LTBP1: variants seen among roughly 807,000 people sequenced by gnomAD.
The protein encoded by LTBP1 is latent-transforming growth factor beta-binding protein 1.
In LTBP1, 129 loss-of-function variants were observed where a neutral mutation model predicts 207.6. That is an observed-to-expected ratio of 0.62 (90% CI 0.54 to 0.72). LTBP1 has a LOEUF of 0.72. Among genes scored for constraint, LTBP1 ranks in the 30% least tolerant of loss-of-function variants. LTBP1 has a pLI of 0.00. For synonymous variants in LTBP1, 963 were observed against 833.7 expected (o/e 1.16, Z -2.67); for missense variants, 2,281 against 2,217.2 (o/e 1.03, Z -0.58).
At chr2:32,951,328 G>A (rs569956786) in intron 2 of LTBP1, among the ~76,000 whole-genome samples, 1 of 152,300 alleles carries the variant, frequency 6.6e-6, no homozygotes, top group Non-Finnish European at 1.5e-5. Context: ...GCTCTCTTCA[G>A]AAATAATTAT....
chr2:33,331,196 C>T (rs1049276697), intron 24 of LTBP1, among the ~76,000 whole-genome samples: 2 of 151,052 alleles, frequency 1.3e-5, no homozygotes, highest in African/African-American at 4.8e-5. Context: ...GATTTGTTTC[C>T]TTTGTTTTCT....
intron 3 of LTBP1, among the ~76,000 whole-genome samples, chr2:33,053,119 C>T (rs957091282): frequency 1.3e-5 from 2 of 152,196 alleles, no homozygotes; most frequent in African/African-American, 4.8e-5. Context: ...GATCTGCCTG[C>T]CTCAGCCTCC....
At chr2:33,218,019 G>C (rs1167280951) in intron 8 of LTBP1, among the ~76,000 whole-genome samples, 1 of 152,106 alleles carries the variant, frequency 6.6e-6, no homozygotes, top group Non-Finnish European at 1.5e-5. Flanking sequence ...TATTTCCTAG[G>C]TTTAAATTCC....
intron 3 of LTBP1, among the ~76,000 whole-genome samples, chr2:33,057,550 C>CTGCAGG: frequency 6.6e-6 from 1 of 152,352 alleles, no homozygotes; most frequent in Non-Finnish European, 1.5e-5. Context: ...GCATGGTGGG[C>CTGCAGG]TGCAGGTACC....
intron 2 of LTBP1, among the ~76,000 whole-genome samples, chr2:32,998,150 C>G (rs1289811170): frequency 6.6e-6 from 1 of 152,140 alleles, no homozygotes; most frequent in Non-Finnish European, 1.5e-5. Flanking sequence ...ACCTAATAAT[C>G]AAATGGATCA....
At chr2:33,009,809 T>C (rs989779479) in intron 2 of LTBP1, among the ~76,000 whole-genome samples, 1 of 152,156 alleles carries the variant, frequency 6.6e-6, no homozygotes, top group Admixed American at 6.5e-5. Flanking sequence ...TCTTAGAGTT[T>C]GGGGTGGATG....
At chr2:32,950,925 A>G (rs1047656850) in intron 2 of LTBP1, among the ~76,000 whole-genome samples, 1 of 152,186 alleles carries the variant, frequency 6.6e-6, no homozygotes, top group African/African-American at 2.4e-5. Context: ...AGATGTTCCA[A>G]ATCTTGGGGA....
In LTBP1 at chr2:33,240,738, C is replaced by A. The variant is rs189799802; in HGVS notation, c.1877-2924C>A. On this transcript the variant is annotated intron_variant, in intron 9 of 33. Transcript: ENST00000404816. ...CGATCTCGGCTCACTCCAAGCTCCA[C>A]CTCTCAGGTTCACGCCATTCTCCTG... is the stretch of plus-strand genomic sequence containing the variant. 4.6e-4 allele frequency among the ~76,000 whole-genome samples: 70 copies of A among 150,882 alleles called. No homozygotes were observed. The East Asian group carries it at 0.013, about 28-fold the overall frequency.
At chr2:33,295,170 TTAA>T (rs1250712225) in intron 20 of LTBP1, among the ~76,000 whole-genome samples, 1 of 152,126 alleles carries the variant, frequency 6.6e-6, no homozygotes, top group African/African-American at 2.4e-5. Flanking sequence ...AAAATTTCCA[TTAA>T]TATCATTTCT....
At chr2:33,211,750 A>G (rs533843998) in intron 7 of LTBP1, among the ~76,000 whole-genome samples, 42 of 152,338 alleles carry the variant, frequency 2.8e-4, no homozygotes, top group Admixed American at 5.2e-4. Context: ...ATATTCCACC[A>G]TCTATCACAA....
intron 24 of LTBP1, among the ~76,000 whole-genome samples, chr2:33,320,395 T>TG (rs199934165): frequency 3.2e-5 from 4 of 125,018 alleles, no homozygotes; most frequent in African/African-American, 7.1e-5. Flanking sequence ...ATAAACTCTG[T>TG]GAAAAAAAAA....
At chr2:33,082,778 G>T (rs2078521859) in intron 3 of LTBP1, among the ~76,000 whole-genome samples, 1 of 152,138 alleles carries the variant, frequency 6.6e-6, no homozygotes, top group Admixed American at 6.5e-5. Flanking sequence ...TTCTGACCAT[G>T]CTGTAGGAGG....
intron 2 of LTBP1, among the ~76,000 whole-genome samples, chr2:32,965,483 C>T (rs1207011295): frequency 2.6e-5 from 4 of 152,152 alleles, no homozygotes; most frequent in Non-Finnish European, 5.9e-5. Flanking sequence ...CCTACTCATC[C>T]CTCCTTCCTG....
chr2:33,320,812 G>T (rs2094343319), intron 24 of LTBP1, among the ~76,000 whole-genome samples: 2 of 152,216 alleles, frequency 1.3e-5, no homozygotes, highest in African/African-American at 2.4e-5. Context: ...GTATGTACCA[G>T]TCTGGTGCAG....
chr2:33,346,892 G>A (rs567219484), intron 25 of LTBP1, among the ~76,000 whole-genome samples: 15 of 152,030 alleles, frequency 9.9e-5, no homozygotes, highest in East Asian at 5.8e-4. Context: ...CGAGGTGGGC[G>A]GATCACGAGG....
At chr2:32,957,595 C>G (rs1451113637) in intron 2 of LTBP1, among the ~76,000 whole-genome samples, 1 of 152,112 alleles carries the variant, frequency 6.6e-6, no homozygotes, top group Non-Finnish European at 1.5e-5. Flanking sequence ...TGAAAGATCA[C>G]CGATCACATA....
intron 7 of LTBP1, among the ~76,000 whole-genome samples, chr2:33,202,022 AACACACACACACACAC>A (rs10558832): frequency 5.7e-5 from 8 of 140,588 alleles, no homozygotes; most frequent in Non-Finnish European, 9.1e-5. Flanking sequence ...TTAGCACTGG[AACACACACACACACAC>A]ACACACACAC....
Position 33,295,713 on chromosome 2 carries a change from A to G in LTBP1, c.3235+2431A>G, listed in dbSNP as rs553706795. On this transcript the variant is annotated intron_variant, in intron 20 of 33. Coordinates refer to ENST00000404816, the MANE Select transcript of LTBP1 (RefSeq NM_206943.4). ...TTTTCTGCTTACTTTTACATCTAAA[A>G]GTATGTTCTAGCAAAGGGTAAAAGA... Among the ~76,000 whole-genome samples the G allele has an allele frequency of 3.3e-5, 5 of 152,312 alleles. No individual in the cohort carries two copies. The East Asian group carries it at 7.7e-4, about 23-fold the overall frequency.
At chr2:33,054,569 T>C (rs993392983) in intron 3 of LTBP1, among the ~76,000 whole-genome samples, 2 of 152,150 alleles carry the variant, frequency 1.3e-5, no homozygotes, top group African/African-American at 4.8e-5. Context: ...CTTACAGGCA[T>C]AACAAGAAAG....
Sources: gnomAD v4.1 joint callset for allele counts (sites outside exome capture counted in the v4.1 genomes callset) on GRCh38, gnomAD v4.1.1 for gene constraint, MANE v1.5 for transcripts, NCBI Gene and HGNC (gene_info 2026-07-23, HGNC 2026-07-21) for gene names.